The following PCDHA3 variants were observed in gnomAD, a reference collection of about 807,000 sequenced individuals.
PCDHA3 encodes the protein protocadherin alpha-3.
PCDHA3 carries 41 observed loss-of-function variants against 62.2 expected under a neutral mutation model. The ratio of observed to expected loss-of-function variants is 0.66; its 90% CI spans 0.51 to 0.86. The LOEUF (loss-of-function observed/expected upper bound fraction) is 0.86, where lower values mean the gene tolerates loss of function less well. Among genes scored for constraint, PCDHA3 ranks in the 40% least tolerant of loss-of-function variants. The pLI is 0.00. For synonymous variants in PCDHA3, 640 were observed against 555.4 expected (o/e 1.15, Z -2.14); for missense variants, 1,304 against 1,241.2 (o/e 1.05, Z -0.76).
At chr5:140,831,687 G>A (rs893697384) in intron 1 of PCDHA3, among the ~76,000 whole-genome samples, 1 of 152,012 alleles carries the variant, frequency 6.6e-6, no homozygotes, top group African/African-American at 2.4e-5. Flanking sequence ...TGAATGAAAA[G>A]CAGCAAAAAG....
chr5:140,924,008 C>T lies in PCDHA3; in HGVS notation c.2395-54941C>T, dbSNP rs75028295. On this transcript the variant is annotated intron_variant, in intron 1 of 3. Coordinates refer to ENST00000522353, the MANE Select transcript of PCDHA3 (RefSeq NM_018906.3). ...TAGGTGCAGCTCAGAATTCCTAAAC[C>T]TGGTATAATTGGAGGCATGGCTGCA... 7.8e-3 allele frequency among the ~76,000 whole-genome samples: 1,191 copies of T among 152,262 alleles called. 21 individuals are homozygous for T. The highest frequency in any genetic ancestry group is 0.026 in the African/African-American group (1,098 of 41,552).
chr5:140,883,881 G>A (rs782379771), intron 1 of PCDHA3: 13 of 1,613,320 alleles, frequency 8.1e-6, no homozygotes, highest in Non-Finnish European at 1.1e-5. Flanking sequence ...GTGAGCGCGC[G>A]CGACTCTGGC....
At chr5:141,000,410 TATATATATATA>T (rs1554257433) in intron 3 of PCDHA3, among the ~76,000 whole-genome samples, 1 of 101,972 alleles carries the variant, frequency 9.8e-6, no homozygotes, top group Non-Finnish European at 2.0e-5. Context: ...TATATATATA[TATATATATATA>T]TTTTTTTTTT....
chr5:140,871,253 A>G (rs1372338399), intron 1 of PCDHA3: 1 of 1,613,856 alleles, frequency 6.2e-7, no homozygotes, highest in Non-Finnish European at 8.5e-7. Context: ...CTGCTGCTGT[A>G]TACGGCGCTG....
At position 140,843,039 on chromosome 5, in the gene PCDHA3, C is replaced by T; in HGVS notation, c.2394+39448C>T. 4.4e-6 allele frequency: 7 copies of T among 1,595,204 alleles called. 1 individual carries two copies. The highest frequency in any genetic ancestry group is 6.0e-6 in the Non-Finnish European group (7 of 1,165,364). ...CTGCTGGAGCCTCGGGTGGGTGGCA[C>T]TGGTGGCGCAGCGAGCAAGCTGGTG... On this transcript the variant is annotated intron_variant, in intron 1 of 3. Coordinates refer to ENST00000522353, the MANE Select transcript of PCDHA3 (RefSeq NM_018906.3).
chr5:140,824,197 C>G, intron 1 of PCDHA3: 1 of 1,598,572 alleles, frequency 6.3e-7, no homozygotes, highest in Non-Finnish European at 8.6e-7. Context: ...CATTCACCCA[C>G]TTTTTTTGTA....
intron 1 of PCDHA3, among the ~76,000 whole-genome samples, chr5:140,963,607 G>A (rs558578531): frequency 2.0e-5 from 3 of 152,306 alleles, no homozygotes; most frequent in Non-Finnish European, 4.4e-5. Context: ...GACGTAATTG[G>A]GAAAGCTTAA....
At chr5:140,910,794 T>A (rs1431401808) in intron 1 of PCDHA3, among the ~76,000 whole-genome samples, 5 of 152,166 alleles carry the variant, frequency 3.3e-5, no homozygotes, top group Non-Finnish European at 7.3e-5. Flanking sequence ...AAATGCAGAA[T>A]CCCTGCTTAG....
intron 1 of PCDHA3, among the ~76,000 whole-genome samples, chr5:140,914,309 C>A (rs1461023041): frequency 1.3e-5 from 2 of 152,082 alleles, no homozygotes; most frequent in Non-Finnish European, 2.9e-5. Flanking sequence ...TGAATTGACC[C>A]CATTATCATT....
At chr5:140,882,424 G>A in intron 1 of PCDHA3, 1 of 1,614,114 alleles carries the variant, frequency 6.2e-7, no homozygotes, top group Non-Finnish European at 8.5e-7. Context: ...CTCAGGACCT[G>A]GGGCTGGAGC....
intron 1 of PCDHA3, chr5:140,835,670 C>T (rs1554135177): frequency 5.6e-6 from 9 of 1,613,734 alleles, no homozygotes; most frequent in African/African-American, 1.3e-5. Context: ...CCGCGCGGGA[C>T]GGGGGCTCGC....
chr5:140,933,694 C>A lies in PCDHA3; in HGVS notation c.2395-45255C>A, dbSNP rs782754431. On this transcript the variant is annotated intron_variant, in intron 1 of 3. Coordinates refer to ENST00000522353, the MANE Select transcript of PCDHA3 (RefSeq NM_018906.3). ...CTCTCACATTTTTTTTCCTATTCCT[C>A]GGACACATTTACTGAGATTGGTGAT... 5.3e-5 allele frequency among the ~76,000 whole-genome samples: 8 copies of A among 151,858 alleles called. No homozygotes were observed. In the South Asian group the frequency reaches 1.7e-3, roughly 31 times the overall value.
chr5:140,914,020 C>T (rs2076562854), intron 1 of PCDHA3, among the ~76,000 whole-genome samples: 1 of 152,036 alleles, frequency 6.6e-6, no homozygotes, highest in African/African-American at 2.4e-5. Context: ...GAGAATGATC[C>T]ACGTGCTGAG....
rs1554121613 is a variant in PCDHA3, at chr5:140,801,659, A to G, written c.462A>G (p.Leu154=). Residue 154 remains leucine (L), a synonymous_variant, in exon 1 of 4, where the codon CTA becomes CTG. Coordinates refer to ENST00000522353, the MANE Select transcript of PCDHA3 (RefSeq NM_018906.3). ...GACAGCCTGGCTCTCGGTTTTCGCT[A>G]GAGGGCGCATCAGATGCAGATATCG... ...ESRQPGSRFS[L]EGASDADIGT... is the part of the protein sequence containing the mutation. 1.9e-6 allele frequency: 3 copies of G among 1,614,072 alleles called. No homozygotes were observed. Among genetic ancestry groups the G allele is most frequent in the African/African-American group, 1.3e-5 (1 of 74,932 alleles).
intron 1 of PCDHA3, chr5:140,927,163 GC>G: frequency 6.2e-7 from 1 of 1,614,176 alleles, no homozygotes; most frequent in East Asian, 2.2e-5. Flanking sequence ...CAGGGCCAAA[GC>G]TGCCTGCGTC....
intron 1 of PCDHA3, chr5:140,869,865 T>C (rs782263076): frequency 6.2e-7 from 1 of 1,610,308 alleles, no homozygotes; most frequent in Non-Finnish European, 8.5e-7. Context: ...TTATGGAAAA[T>C]GCTGCTAAAG....
intron 3 of PCDHA3, among the ~76,000 whole-genome samples, chr5:140,986,211 C>T (rs1257937611): frequency 1.3e-5 from 2 of 152,126 alleles, no homozygotes; most frequent in African/African-American, 2.4e-5. Flanking sequence ...GATTACTGGC[C>T]CCTTTCTCTA....
chr5:140,843,555 TG>T, intron 1 of PCDHA3: 1 of 1,595,708 alleles, frequency 6.3e-7, no homozygotes, highest in African/African-American at 1.3e-5. Context: ...TCCAGTGCGG[TG>T]GGGAGCTGGT....
intron 1 of PCDHA3, chr5:140,884,448 CCACCGAGGGCGCGTGCGCGCCGGG>C (rs1244657512): frequency 1.9e-6 from 3 of 1,613,716 alleles, no homozygotes; most frequent in Non-Finnish European, 2.5e-6. Context: ...TCGGCACCGC[CCACCGAGGGCGCGTGCGCGCCGGG>C]CAAGCCCACT....
Sources: allele counts gnomAD v4.1 joint callset (sites outside exome capture counted in the v4.1 genomes callset), GRCh38; gene constraint gnomAD v4.1.1; transcripts MANE v1.5; gene names NCBI Gene and HGNC (gene_info 2026-07-23, HGNC 2026-07-21).